MED27: variants seen among roughly 807,000 people sequenced by gnomAD.
MED27 encodes the protein mediator of RNA polymerase II transcription subunit 27.
A neutral mutation model predicts 38.2 loss-of-function variants in MED27; 30 were observed. The observed-to-expected ratio is 0.79, with a 90% confidence interval of 0.59 to 1.07. MED27 has a LOEUF of 1.07. MED27 is among the 50% of genes least tolerant of loss of function. MED27 has a pLI of 0.00. For synonymous variants in MED27, 122 were observed against 153.5 expected (o/e 0.79, Z 1.52); for missense variants, 289 against 397.5 (o/e 0.73, Z 2.32).
At chr9:131,989,350 C>T (rs906291227) in intron 3 of MED27, among the ~76,000 whole-genome samples, 1 of 152,178 alleles carries the variant, frequency 6.6e-6, no homozygotes, top group Non-Finnish European at 1.5e-5. Context: ...TTCAGGACCA[C>T]AGCAGGAGCC....
intron 3 of MED27, among the ~76,000 whole-genome samples, chr9:131,993,325 G>A (rs1211397286): frequency 6.6e-6 from 1 of 152,078 alleles, no homozygotes; most frequent in African/African-American, 2.4e-5. Context: ...GGAAGGGGGA[G>A]AAATGAATAC....
At chr9:132,039,659 G>T (rs1200917754) in intron 2 of MED27, among the ~76,000 whole-genome samples, 1 of 151,848 alleles carries the variant, frequency 6.6e-6, no homozygotes, top group African/African-American at 2.4e-5. Context: ...CTACTTCAAA[G>T]GAGAGTGAGT....
In MED27 at chr9:132,054,612, G is replaced by T. The variant is rs146189466; in HGVS notation, c.348+22830C>A. On this transcript the variant is annotated intron_variant, in intron 2 of 7. Transcript: ENST00000292035. ...GTATTGTTTGTAGAGATGGAGTTTTGCCATGTTGCCAGGTCTCAAACTCCT... is the reference window on the plus strand; with the variant it reads ...GTATTGTTTGTAGAGATGGAGTTTTTCCATGTTGCCAGGTCTCAAACTCCT... Among the ~76,000 whole-genome samples the T allele has an allele frequency of 1.5e-3, 221 of 152,064 alleles. 1 individual carries two copies. Among genetic ancestry groups the T allele is most frequent in the African/African-American group, 5.2e-3 (215 of 41,462 alleles).
At chr9:131,922,630 T>TTTTC (rs1201568870) in intron 4 of MED27, among the ~76,000 whole-genome samples, 3 of 128,282 alleles carry the variant, frequency 2.3e-5, no homozygotes, top group African/African-American at 8.8e-5. Context: ...TATTTTTATT[T>TTTTC]TTTTCTTTTC....
chr9:132,070,858 C>G (rs988445118), intron 2 of MED27, among the ~76,000 whole-genome samples: 1 of 151,332 alleles, frequency 6.6e-6, no homozygotes, highest in African/African-American at 2.4e-5. Context: ...GAAAGAACTG[C>G]CCCCCACACA....
chr9:131,929,868 T>G (rs940640544), intron 4 of MED27, among the ~76,000 whole-genome samples: 1 of 152,226 alleles, frequency 6.6e-6, no homozygotes, highest in African/African-American at 2.4e-5. Context: ...ATCTGTTGAC[T>G]GTAGAGTCCT....
chr9:131,936,553 G>C (rs1830689544), intron 4 of MED27, among the ~76,000 whole-genome samples: 1 of 152,252 alleles, frequency 6.6e-6, no homozygotes, highest in Admixed American at 6.5e-5. Flanking sequence ...AGCAACTGCA[G>C]GCTAGGCCAG....
intron 4 of MED27, among the ~76,000 whole-genome samples, chr9:131,896,549 G>C (rs146415051): frequency 1.1e-3 from 160 of 152,036 alleles, no homozygotes; most frequent in African/African-American, 3.7e-3. Context: ...AAATATAAAT[G>C]TTTATTATGG....
intron 3 of MED27, among the ~76,000 whole-genome samples, chr9:132,011,561 A>T (rs1589264923): frequency 6.6e-6 from 1 of 152,280 alleles, no homozygotes; most frequent in South Asian, 2.1e-4. Flanking sequence ...CAGCACTTTC[A>T]AAGGTCAAGG....
chr9:132,047,595 G>C (rs780705066), intron 2 of MED27, among the ~76,000 whole-genome samples: 1 of 151,598 alleles, frequency 6.6e-6, no homozygotes, highest in Non-Finnish European at 1.5e-5. Context: ...ATTCTTCCGA[G>C]ACTCTATCTT....
intron 6 of MED27, among the ~76,000 whole-genome samples, chr9:131,880,551 T>C (rs554888049): frequency 6.6e-6 from 1 of 152,368 alleles, no homozygotes; most frequent in Non-Finnish European, 1.5e-5. Context: ...GAAAGGCTTC[T>C]GCACAAATAC....
intron 2 of MED27, among the ~76,000 whole-genome samples, chr9:132,045,432 ACACAC>A (rs1833312156): frequency 6.6e-6 from 1 of 151,434 alleles, no homozygotes; most frequent in Admixed American, 6.6e-5. Flanking sequence ...ACACACACAC[ACACAC>A]ACACACACAC....
In MED27 at chr9:132,079,709, C is replaced by G; in HGVS notation, c.136G>C (p.Glu46Gln). ...KDGMRNKETL[E>Q]GREKAFIAHF... ...GCAATAAAGGCCTTCTCCCGGCCCT[C>G]CAGCGTCTCCTTGTTCCGCATCCCA... is the stretch of plus-strand genomic sequence containing the variant. Residue 46 changes from glutamate to glutamine, a missense_variant, in exon 1 of 8, where the codon GAG becomes CAG. Glu to Gln is a conservative substitution (Grantham distance 29). Coordinates refer to ENST00000292035, the MANE Select transcript of MED27 (RefSeq NM_004269.4). The G allele has an allele frequency of 6.2e-7, 1 of 1,613,730 alleles. No homozygotes were observed. Among genetic ancestry groups the G allele is most frequent in the Non-Finnish European group, 8.5e-7 (1 of 1,179,914 alleles).
chr9:132,028,482 T>A (rs776995028), intron 2 of MED27, among the ~76,000 whole-genome samples: 2 of 151,386 alleles, frequency 1.3e-5, no homozygotes, highest in Admixed American at 1.3e-4. Context: ...GCTTGGCACA[T>A]AGCCATGGCT....
At chr9:131,938,638 A>T (rs556804764) in intron 4 of MED27, among the ~76,000 whole-genome samples, 1 of 152,238 alleles carries the variant, frequency 6.6e-6, no homozygotes, top group Non-Finnish European at 1.5e-5. Flanking sequence ...CAGCAAAACC[A>T]GAAGTCATCA....
intron 3 of MED27, among the ~76,000 whole-genome samples, chr9:131,950,361 C>G (rs1177858813): frequency 1.3e-5 from 2 of 152,192 alleles, no homozygotes; most frequent in Non-Finnish European, 2.9e-5. Flanking sequence ...CTGGCGAGGG[C>G]AGATGATGCC....
At chr9:131,938,222 G>T (rs1830717576) in intron 4 of MED27, among the ~76,000 whole-genome samples, 1 of 152,130 alleles carries the variant, frequency 6.6e-6, no homozygotes, top group Non-Finnish European at 1.5e-5. Flanking sequence ...CTATTTATAA[G>T]ATTTCACACA....
intron 3 of MED27, among the ~76,000 whole-genome samples, chr9:131,943,037 T>C (rs1830815617): frequency 1.3e-5 from 2 of 152,178 alleles, no homozygotes; most frequent in Non-Finnish European, 2.9e-5. Flanking sequence ...CCCCAACCCG[T>C]GACCTCAGAC....
chr9:131,979,538 A>T (rs1831686660), intron 3 of MED27, among the ~76,000 whole-genome samples: 1 of 151,858 alleles, frequency 6.6e-6, no homozygotes, highest in Non-Finnish European at 1.5e-5. Flanking sequence ...TTTAGTACTG[A>T]AACTAGATCA....
Sources: gnomAD v4.1 joint callset for allele counts (sites outside exome capture counted in the v4.1 genomes callset) on GRCh38, gnomAD v4.1.1 for gene constraint, MANE v1.5 for transcripts, NCBI Gene and HGNC (gene_info 2026-07-23, HGNC 2026-07-21) for gene names.